The following LGALS8 variants were observed in gnomAD, a reference collection of about 807,000 sequenced individuals.
LGALS8 encodes galectin 8, also known as galectin-8.
In LGALS8, 30 loss-of-function variants were observed where a neutral mutation model predicts 35.9. The ratio of observed to expected loss-of-function variants is 0.83; its 90% CI spans 0.62 to 1.13. LGALS8 has a LOEUF of 1.13. LGALS8 is among the 50% of genes most tolerant of loss of function. The pLI is 0.00. For synonymous variants in LGALS8, 138 were observed against 136.1 expected (o/e 1.01, Z -0.10); for missense variants, 366 against 388.7 (o/e 0.94, Z 0.49).
chr1:236,546,813 A>G (rs760371), intron 9 of LGALS8, among the ~76,000 whole-genome samples: 1 of 152,216 alleles, frequency 6.6e-6, no homozygotes, highest in Non-Finnish European at 1.5e-5. Flanking sequence ...ATTTTGTTAA[A>G]TATATCTGGG....
chr1:236,552,872 C>G lies in LGALS8; in HGVS notation c.*4711C>G, dbSNP rs567513178. ...GTAAAATATTACAATAAATTTGATA[C>G]TGCTACTTGTATAAAAACCTATGGT... On this transcript the variant is annotated 3_prime_UTR_variant, in exon 10 of 10. Coordinates refer to ENST00000366584, the MANE Select transcript of LGALS8 (RefSeq NM_201544.4). 1 of 152,168 alleles carries G rather than the reference C, an allele frequency of 6.6e-6. No individual in the cohort carries two copies. The highest frequency in any genetic ancestry group is 2.4e-5 in the African/African-American group (1 of 41,436). 9.4% of individuals were successfully genotyped at this position (152,168 alleles called of 1,614,324 possible).
At chr1:236,542,339 G>T in intron 6 of LGALS8, 1 of 201,318 alleles carries the variant, frequency 5.0e-6, no homozygotes, top group South Asian at 9.6e-5. Flanking sequence ...AAAATTATCT[G>T]GGCATGGTGG....
intron 7 of LGALS8, chr1:236,543,288 G>A (rs1375705532): frequency 1.7e-5 from 11 of 637,010 alleles, no homozygotes; most frequent in Non-Finnish European, 3.1e-5. Flanking sequence ...CAGGCACAGG[G>A]GGCCTTCCTG....
chr1:236,539,181 C>A (rs1285483852), intron 4 of LGALS8, 92 bp downstream of exon 4: 5 of 992,920 alleles, frequency 5.0e-6, no homozygotes, highest in African/African-American at 3.4e-5. Context: ...CCTTATATTT[C>A]CTACACCTGA....
intron 2 of LGALS8, among the ~76,000 whole-genome samples, chr1:236,534,250 C>CTATGTTT (rs1558159234): frequency 3.3e-5 from 5 of 152,152 alleles, no homozygotes; most frequent in African/African-American, 1.2e-4. Flanking sequence ...CATTTTCACT[C>CTATGTTT]CATGTTTCCT....
In LGALS8 at chr1:236,550,577, G is replaced by A. The variant is rs1007482004; in HGVS notation, c.*2416G>A. 3.7e-5 allele frequency: 9 copies of A among 240,884 alleles called. No homozygotes were observed. Among genetic ancestry groups the A allele is most frequent in the South Asian group, 1.2e-4 (1 of 8,602 alleles). 14.9% of individuals were successfully genotyped at this position (240,884 alleles called of 1,614,324 possible). A position where few individuals can be genotyped will look rare whatever the true frequency, so the allele number is the denominator to read the frequency against. ...TTAAGGCTTACAGTGCAAATGAGGCGTCAGCTTTGGGTGCTAAAATTAACA... is the reference window on the plus strand; with the variant it reads ...TTAAGGCTTACAGTGCAAATGAGGCATCAGCTTTGGGTGCTAAAATTAACA... On this transcript the variant is annotated 3_prime_UTR_variant, in exon 10 of 10. Coordinates refer to ENST00000366584, the MANE Select transcript of LGALS8 (RefSeq NM_201544.4).
chr1:236,542,560 G>C (rs1003531296), intron 6 of LGALS8: 2 of 609,296 alleles, frequency 3.3e-6, no homozygotes. Context: ...AGGGATATCA[G>C]ACTCTCTTCT....
At chr1:236,527,689 C>CAA (rs74680187) in intron 2 of LGALS8, among the ~76,000 whole-genome samples, 10,771 of 150,236 alleles carry the variant, frequency 0.072, 465 homozygotes, top group East Asian at 0.15. Flanking sequence ...TTCAATGTTC[C>CAA]AAAAAAAAAG....
At chr1:236,519,014 T>G (rs1660479760), upstream of LGALS8, among the ~76,000 whole-genome samples, 1 of 152,188 alleles carries the variant, frequency 6.6e-6, no homozygotes, top group African/African-American at 2.4e-5. Flanking sequence ...GAGCTTACAA[T>G]TCATGTCTAA....
intron 2 of LGALS8, among the ~76,000 whole-genome samples, chr1:236,534,228 A>C (rs819425): frequency 0.26 from 39,672 of 151,876 alleles, 5,361 homozygotes; most frequent in South Asian, 0.44. Flanking sequence ...TCAGCAGCCA[A>C]ATAGAGTATC....
At chr1:236,528,259 G>A (rs1268475229) in intron 2 of LGALS8, among the ~76,000 whole-genome samples, 4 of 151,628 alleles carry the variant, frequency 2.6e-5, no homozygotes, top group Admixed American at 6.6e-5. Context: ...GCAGCCTCCT[G>A]TAATCCCAGC....
chr1:236,543,299 G>A, intron 7 of LGALS8: 1 of 642,686 alleles, frequency 1.6e-6, no homozygotes. Context: ...GGCCTTCCTG[G>A]CGTGTTTCAC....
chr1:236,544,331 C>G (rs1026547566), intron 8 of LGALS8, among the ~76,000 whole-genome samples: 1 of 152,140 alleles, frequency 6.6e-6, no homozygotes, highest in African/African-American at 2.4e-5. Context: ...AGACGTCCAG[C>G]CTTCTGAAAG....
chr1:236,527,164 C>T (rs1274071889), intron 2 of LGALS8, among the ~76,000 whole-genome samples: 4 of 152,190 alleles, frequency 2.6e-5, no homozygotes, highest in African/African-American at 9.7e-5. Flanking sequence ...CCACGGGTGT[C>T]TGAAGTATCA....
intron 9 of LGALS8, among the ~76,000 whole-genome samples, chr1:236,547,207 A>C (rs1662419289): frequency 6.6e-6 from 1 of 152,196 alleles, no homozygotes; most frequent in Non-Finnish European, 1.5e-5. Flanking sequence ...AGTGGGTGGA[A>C]ACCCAGCCTG....
upstream of LGALS8, chr1:236,522,912 T>C (rs1439499337): frequency 4.6e-5 from 7 of 152,048 alleles, no homozygotes; most frequent in African/African-American, 1.7e-4. Context: ...AATTCCTCAA[T>C]TAAAACAAAA....
At chr1:236,519,211 G>C (rs1660485846), upstream of LGALS8, among the ~76,000 whole-genome samples, 1 of 131,280 alleles carries the variant, frequency 7.6e-6, no homozygotes, top group South Asian at 2.7e-4. Flanking sequence ...CAACACAGTG[G>C]GACCCCATCA....
rs1662013086 is a variant in LGALS8, at chr1:236,541,761, C to G, written c.522+51C>G. On this transcript the variant is annotated intron_variant, in intron 6 of 9. Coordinates refer to ENST00000366584, the MANE Select transcript of LGALS8 (RefSeq NM_201544.4). ...CACTGGTTTAAAAATGTTGTTTTAG[C>G]TGCCATGTTAATGAAATGGCAAGAA... The G allele has an allele frequency of 3.2e-6, 3 of 946,278 alleles. No homozygotes were observed. The South Asian group carries it at 5.3e-5, about 17-fold the overall frequency. The allele number at this position is 946,278 out of a possible 1,614,324, so 58.6% of individuals were successfully genotyped here.
At chr1:236,535,857 GC>G (rs776907552) in intron 2 of LGALS8, among the ~76,000 whole-genome samples, 1 of 152,262 alleles carries the variant, frequency 6.6e-6, no homozygotes, top group Non-Finnish European at 1.5e-5. Flanking sequence ...TTCAGCAGCT[GC>G]TTTGTTGCCT....
Sources: gnomAD v4.1 joint callset for allele counts (sites outside exome capture counted in the v4.1 genomes callset) on GRCh38, gnomAD v4.1.1 for gene constraint, MANE v1.5 for transcripts, NCBI Gene and HGNC (gene_info 2026-07-23, HGNC 2026-07-21) for gene names.